The following PDPK1 variants were observed in gnomAD, a reference collection of about 807,000 sequenced individuals.
The protein encoded by PDPK1 is 3-phosphoinositide-dependent protein kinase 1.
PDPK1 carries 7 observed loss-of-function variants against 39.8 expected under a neutral mutation model. The ratio of observed to expected loss-of-function variants is 0.18; its 90% CI spans 0.10 to 0.33. The LOEUF is 0.33. PDPK1 is among the 10% of genes least tolerant of loss of function. The probability of loss-of-function intolerance (pLI) is 1.00; values close to 1 mark genes in which losing one functional copy is unlikely to be tolerated. For missense variants in PDPK1, 182 were observed against 384.7 expected, an observed-to-expected ratio of 0.47 and a Z score of 4.41; for synonymous variants, 118 against 159.1, an observed-to-expected ratio of 0.74 and a Z score of 1.95.
chr16:2,538,830 C>T (rs958052841), intron 1 of PDPK1: 2 of 1,147,334 alleles, frequency 1.7e-6, no homozygotes, highest in African/African-American at 1.6e-5. Flanking sequence ...AAATGTTTTG[C>T]TAAAAGTGTC....
Position 2,602,693 on chromosome 16 carries a change from T to C in PDPK1, c.*4926T>C. The C allele has an allele frequency of 4.3e-6, 1 of 234,834 alleles. No homozygotes were observed. The highest frequency in any genetic ancestry group is 8.5e-6 in the Non-Finnish European group (1 of 118,044). The allele number at this position is 234,834 out of a possible 1,614,324, so 14.5% of individuals were successfully genotyped here. On this transcript the variant is annotated 3_prime_UTR_variant, in exon 14 of 14. Coordinates refer to ENST00000342085, the MANE Select transcript of PDPK1 (RefSeq NM_002613.5). Reference sequence around the variant, plus strand: ...AACATAAAATAGGATAAATGACTAGTACGTCTTTCAGGTGGGTGGCAAGCA... The same window carrying C: ...AACATAAAATAGGATAAATGACTAGCACGTCTTTCAGGTGGGTGGCAAGCA...
chr16:2,587,358 C>T (rs1431680609), intron 11 of PDPK1, among the ~76,000 whole-genome samples: 2 of 152,208 alleles, frequency 1.3e-5, no homozygotes, highest in African/African-American at 4.8e-5. Context: ...TTTCCCAATG[C>T]TCTTGCCTGC....
chr16:2,594,066 C>T (rs912880367), intron 11 of PDPK1: 20 of 152,258 alleles, frequency 1.3e-4, no homozygotes, highest in African/African-American at 4.8e-4. Flanking sequence ...CAGGCCTGGG[C>T]ACTGATCTGC....
chr16:2,540,366 G>A (rs960368510), intron 1 of PDPK1, among the ~76,000 whole-genome samples: 1 of 152,330 alleles, frequency 6.6e-6, no homozygotes, highest in African/African-American at 2.4e-5. Flanking sequence ...CGCTTCCCTA[G>A]GTACTTTCAC....
chr16:2,538,767 G>C (rs1483004423), intron 1 of PDPK1: 1 of 1,283,996 alleles, frequency 7.8e-7, no homozygotes, highest in Non-Finnish European at 1.0e-6. Context: ...AAGTGAGCTT[G>C]ACAGGTAGGA....
intron 2 of PDPK1, among the ~76,000 whole-genome samples, chr16:2,559,953 T>G (rs1453851591): frequency 1.3e-5 from 2 of 151,486 alleles, no homozygotes; most frequent in Non-Finnish European, 2.9e-5. Flanking sequence ...TGTGTTACCC[T>G]CAGTTCTTTC....
At position 2,597,794 on chromosome 16, in the gene PDPK1, G is replaced by T. The variant is rs757267684; in HGVS notation, c.*27G>T. 38 of 1,509,784 alleles carry T rather than the reference G, an allele frequency of 2.5e-5. No homozygotes were observed. Among genetic ancestry groups the T allele is most frequent in the Non-Finnish European group, 3.3e-5 (36 of 1,088,684 alleles). The allele number at this position is 1,509,784 out of a possible 1,614,324, so 93.5% of individuals were successfully genotyped here. A position where few individuals can be genotyped will look rare whatever the true frequency, so the allele number is the denominator to read the frequency against. ...GTGGCCTGCGGCCGGGCTGCCCTTC[G>T]CTGCCAGGACACCTGCCCCAGCGCG... On this transcript the variant is annotated 3_prime_UTR_variant, in exon 14 of 14. Transcript: ENST00000342085. The surrounding 1 kb of genome is among the most constrained non-coding windows in gnomAD (Gnocchi z 6.3).
In PDPK1 at chr16:2,595,790, C is replaced by T. The variant is rs368701059; in HGVS notation, c.1344-3C>T. ...AGCATCTCTTTCTTGTTTCTTTCCA[C>T]AGGCACCAGTTTGTAGAAAATAATT... On this transcript the variant is annotated splice_polypyrimidine_tract_variant and splice_region_variant and intron_variant, in intron 11 of 13. Coordinates refer to ENST00000342085, the MANE Select transcript of PDPK1 (RefSeq NM_002613.5). The T allele has an allele frequency of 8.7e-6, 14 of 1,610,150 alleles. No homozygotes were observed. The highest frequency in any genetic ancestry group is 1.3e-5 in the African/African-American group (1 of 74,852).
chr16:2,590,482 T>C (rs1264391128), intron 11 of PDPK1, among the ~76,000 whole-genome samples: 1 of 152,186 alleles, frequency 6.6e-6, no homozygotes, highest in African/African-American at 2.4e-5. Flanking sequence ...GTGGGAAGTA[T>C]ACAGAAGGGC....
Position 2,586,860 on chromosome 16 carries a change from T to G in PDPK1, c.1310T>G (p.Leu437Trp), listed in dbSNP as rs2066887767. ...CAGTTTTCCGAAGATGAGAAGAGGT[T>G]GTTGTTGGAGAAGCAGGCTGGCGGA... is the stretch of plus-strand genomic sequence containing the variant. ...DLQFSEDEKR[L>W]LLEKQAGGNP... Residue 437 changes from leucine (L) to tryptophan (W), a missense_variant, in exon 11 of 14, where the codon TTG becomes TGG. Transcript: ENST00000342085. The G allele has an allele frequency of 1.2e-6, 2 of 1,614,114 alleles. No individual in the cohort carries two copies. Among genetic ancestry groups the G allele is most frequent in the African/African-American group, 1.3e-5 (1 of 74,946 alleles).
intron 12 of PDPK1, among the ~76,000 whole-genome samples, chr16:2,596,793 G>A (rs573926928): frequency 3.3e-5 from 5 of 152,132 alleles, no homozygotes; most frequent in African/African-American, 7.2e-5. Context: ...TATGTCCTCC[G>A]CAGGCAAGGA....
chr16:2,595,138 C>T (rs2067075137), intron 11 of PDPK1, among the ~76,000 whole-genome samples: 1 of 152,126 alleles, frequency 6.6e-6, no homozygotes, highest in African/African-American at 2.4e-5. Flanking sequence ...ACAAAAATCT[C>T]TTGAACTTTT....
chr16:2,599,322 T>C lies in PDPK1; in HGVS notation c.*1555T>C. ...CCCCAAGTCACAGGTGACTCAGCAG[T>C]GACCCTGTGTGCCAGGCCAGATCCA... On this transcript the variant is annotated 3_prime_UTR_variant, in exon 14 of 14. Coordinates refer to ENST00000342085, the MANE Select transcript of PDPK1 (RefSeq NM_002613.5). The C allele has an allele frequency of 1.3e-5, 3 of 233,290 alleles. No homozygotes were observed. The highest frequency in any genetic ancestry group is 2.5e-5 in the Non-Finnish European group (3 of 118,042). 14.5% of individuals were successfully genotyped at this position (233,290 alleles called of 1,614,324 possible).
intron 11 of PDPK1, among the ~76,000 whole-genome samples, chr16:2,588,632 T>A (rs1425098911): frequency 1.3e-5 from 2 of 152,122 alleles, no homozygotes; most frequent in Non-Finnish European, 2.9e-5. Context: ...GCTTCCTTTG[T>A]CTTCAGGTTT....
chr16:2,558,040 A>C, intron 2 of PDPK1, 77 bp downstream of exon 2: 11 of 1,564,812 alleles, frequency 7.0e-6, no homozygotes, highest in Non-Finnish European at 8.8e-6. Context: ...GGCTTGCCGG[A>C]GACTCCAAGC....
At chr16:2,542,191 G>A (rs1383494322) in intron 1 of PDPK1, among the ~76,000 whole-genome samples, 2 of 152,184 alleles carry the variant, frequency 1.3e-5, no homozygotes, top group African/African-American at 4.8e-5. Flanking sequence ...AGACAGTCTC[G>A]TTCTGTCACG....
chr16:2,543,689 A>T (rs1386687040), intron 1 of PDPK1, among the ~76,000 whole-genome samples: 1 of 152,044 alleles, frequency 6.6e-6, no homozygotes, highest in East Asian at 1.9e-4. Context: ...GTGGCTGTAC[A>T]GTCTTTTCTG....
At chr16:2,587,991 C>G (rs1233285823) in intron 11 of PDPK1, among the ~76,000 whole-genome samples, 1 of 152,114 alleles carries the variant, frequency 6.6e-6, no homozygotes. Flanking sequence ...GGGGAGAGGG[C>G]CTTGCAGGAA....
At position 2,593,542 on chromosome 16, in the gene PDPK1, G is replaced by A. The variant is rs1226014203; in HGVS notation, c.1344-2251G>A. 2 of 175,570 alleles carry A rather than the reference G, an allele frequency of 1.1e-5. No homozygotes were observed. The highest frequency in any genetic ancestry group is 5.8e-5 in the Admixed American group (1 of 17,122). 10.9% of individuals were successfully genotyped at this position (175,570 alleles called of 1,614,324 possible). ...TGTTCTTCTGGTTTTTCTCTCCTTCGAGTTGGTATTTTAAACCATGCATCT... is the reference window on the plus strand; with the variant it reads ...TGTTCTTCTGGTTTTTCTCTCCTTCAAGTTGGTATTTTAAACCATGCATCT... On this transcript the variant is annotated intron_variant, in intron 11 of 13. Coordinates refer to ENST00000342085, the MANE Select transcript of PDPK1 (RefSeq NM_002613.5). The surrounding 1 kb of genome is among the most constrained non-coding windows in gnomAD (Gnocchi z 4.2).
Sources: allele counts gnomAD v4.1 joint callset (sites outside exome capture counted in the v4.1 genomes callset), GRCh38; gene constraint gnomAD v4.1.1; non-coding constraint Gnocchi (gnomAD v3.1); transcripts MANE v1.5; gene names NCBI Gene and HGNC (gene_info 2026-07-23, HGNC 2026-07-21).